The following FIBCD1 variants were observed in gnomAD, a reference collection of about 807,000 sequenced individuals.
FIBCD1 encodes fibrinogen C domain containing 1.
FIBCD1 carries 47 observed loss-of-function variants against 45.1 expected under a neutral mutation model. The ratio of observed to expected loss-of-function variants is 1.04; its 90% CI spans 0.82 to 1.33. FIBCD1 has a LOEUF of 1.33. Among genes scored for constraint, FIBCD1 ranks in the 40% most tolerant of loss-of-function variants. The pLI, the probability that FIBCD1 is intolerant of heterozygous loss-of-function variation, is 0.00. For synonymous variants in FIBCD1, 313 were observed against 308.1 expected (o/e 1.02, Z -0.17); for missense variants, 653 against 682.2 (o/e 0.96, Z 0.48).
chr9:130,936,024 T>C (rs1832514495), intron 1 of FIBCD1, among the ~76,000 whole-genome samples: 1 of 152,200 alleles, frequency 6.6e-6, no homozygotes, highest in Non-Finnish European at 1.5e-5. Flanking sequence ...ACAGCCAGCC[T>C]GTGGAAGGGA....
At chr9:130,906,371 C>G (rs940066839) in intron 5 of FIBCD1, among the ~76,000 whole-genome samples, 1 of 152,330 alleles carries the variant, frequency 6.6e-6, no homozygotes, top group South Asian at 2.1e-4. Flanking sequence ...TGCCTCTCCC[C>G]GGCTCCGCAC....
chr9:130,908,522 G>T (rs1450952114), intron 5 of FIBCD1, among the ~76,000 whole-genome samples: 2 of 152,206 alleles, frequency 1.3e-5, no homozygotes, highest in African/African-American at 4.8e-5. Flanking sequence ...CAGGTTCGGG[G>T]ATGAGGCGAG....
rs1832281472 is a variant in FIBCD1 at position 130,922,640 on chromosome 9, C to T, written c.849+1104G>A. 6.6e-6 allele frequency among the ~76,000 whole-genome samples: 1 copy of T among 152,062 alleles called. No homozygotes were observed. Among genetic ancestry groups the T allele is most frequent in the African/African-American group, 2.4e-5 (1 of 41,380 alleles). On this transcript the variant is annotated intron_variant, in intron 4 of 6. Transcript: ENST00000372338. This position sits in a 1 kb window ranked among gnomAD's most constrained non-coding sequence, Gnocchi z 4.5. Reference sequence around the variant, plus strand: ...GAAACACCTCCTCCCCGTCCCTCTCCCCACTGCCCAAGGATGCACACCGCC... The same window carrying T: ...GAAACACCTCCTCCCCGTCCCTCTCTCCACTGCCCAAGGATGCACACCGCC...
intron 4 of FIBCD1, among the ~76,000 whole-genome samples, chr9:130,923,483 T>C (rs972101128): frequency 6.6e-6 from 1 of 152,080 alleles, no homozygotes; most frequent in Admixed American, 6.6e-5. Flanking sequence ...GAGCCACAGC[T>C]GGGGATCTCA....
intron 4 of FIBCD1, among the ~76,000 whole-genome samples, chr9:130,920,429 T>A (rs186244863): frequency 1.5e-3 from 230 of 152,250 alleles, no homozygotes; most frequent in African/African-American, 5.4e-3. Flanking sequence ...AGCGGCTCTA[T>A]ATGGTACCCA....
At chr9:130,935,470 G>A (rs931741683) in intron 1 of FIBCD1, among the ~76,000 whole-genome samples, 1 of 152,228 alleles carries the variant, frequency 6.6e-6, no homozygotes, top group African/African-American at 2.4e-5. Context: ...CATTAACAAA[G>A]TCCAAATCGG....
intron 5 of FIBCD1, among the ~76,000 whole-genome samples, chr9:130,909,232 C>T (rs1339363451): frequency 6.6e-6 from 1 of 152,102 alleles, no homozygotes; most frequent in South Asian, 2.1e-4. Flanking sequence ...CCCTTCTTAC[C>T]CTCTCCCTCC....
At chr9:130,905,767 T>C (rs1023170041) in intron 5 of FIBCD1, among the ~76,000 whole-genome samples, 13 of 152,190 alleles carry the variant, frequency 8.5e-5, no homozygotes, top group African/African-American at 3.1e-4. Context: ...AGGATCTGTG[T>C]TCGCATTTTC....
At chr9:130,908,558 C>A (rs1831977182) in intron 5 of FIBCD1, among the ~76,000 whole-genome samples, 1 of 152,182 alleles carries the variant, frequency 6.6e-6, no homozygotes, top group Non-Finnish European at 1.5e-5. Flanking sequence ...GTGTGTAGAC[C>A]CTGCTGGGGC....
upstream of FIBCD1, among the ~76,000 whole-genome samples, chr9:130,940,457 C>T (rs1379083810): frequency 1.3e-5 from 2 of 152,272 alleles, no homozygotes; most frequent in East Asian, 1.9e-4. Context: ...CAATTCTGGC[C>T]TCTGGCCCTT....
At chr9:130,918,692 G>A (rs1330788881) in intron 4 of FIBCD1, among the ~76,000 whole-genome samples, 1 of 152,180 alleles carries the variant, frequency 6.6e-6, no homozygotes, top group African/African-American at 2.4e-5. Flanking sequence ...GCATTCCCAG[G>A]AGTCTGGCTT....
chr9:130,926,581 A>T lies in FIBCD1; in HGVS notation c.553-2185T>A, dbSNP rs1416886486. ...ACGCCTGTAATCCCAGCACTTTGGG[A>T]GGCCAAGTTGGGTGGATCACCTAAG... On this transcript the variant is annotated intron_variant, in intron 2 of 6. Coordinates refer to ENST00000372338, the MANE Select transcript of FIBCD1 (RefSeq NM_032843.5). This position sits in a 1 kb window ranked among gnomAD's most constrained non-coding sequence, Gnocchi z 4.1. Among the ~76,000 whole-genome samples, 1 of 152,206 alleles carries T rather than the reference A, an allele frequency of 6.6e-6. No individual in the cohort carries two copies. The highest frequency in any genetic ancestry group is 2.4e-5 in the African/African-American group (1 of 41,434).
chr9:130,939,652 G>GCCGCGCTCCCGGCCGATCGC (rs1045407209), upstream of FIBCD1, among the ~76,000 whole-genome samples: 25 of 151,584 alleles, frequency 1.6e-4, no homozygotes, highest in Middle Eastern at 3.4e-3. Flanking sequence ...TCCGCGCTCG[G>GCCGCGCTCCCGGCCGATCGC]CCGCGCTCCC....
intron 4 of FIBCD1, among the ~76,000 whole-genome samples, chr9:130,915,337 C>T (rs1832139369): frequency 6.6e-6 from 1 of 152,204 alleles, no homozygotes; most frequent in Admixed American, 6.5e-5. Flanking sequence ...TGCCTCTGCC[C>T]AAGGAAGGAC....
Position 130,905,290 on chromosome 9 carries a change from A to G in FIBCD1, c.1070T>C (p.Val357Ala). 1 of 1,614,048 alleles carries G rather than the reference A, an allele frequency of 6.2e-7. No homozygotes were observed. Among genetic ancestry groups the G allele is most frequent in the African/African-American group, 1.3e-5 (1 of 75,046 alleles). ...YGSFGVGLFS[V>A]DPEEDGYPLT... ...CGGGTACCCGTCTTCCTCAGGGTCC[A>G]CGGAGAACAAGCCCACGCCGAAGCT... The change falls in exon 6 of 7, where the codon GTG becomes GCG. Residue 357 changes from valine to alanine, a missense_variant. Coordinates refer to ENST00000372338, the MANE Select transcript of FIBCD1 (RefSeq NM_032843.5).
intron 5 of FIBCD1, among the ~76,000 whole-genome samples, chr9:130,905,898 G>A (rs554146660): frequency 2.1e-4 from 32 of 152,288 alleles, no homozygotes; most frequent in African/African-American, 6.5e-4. Context: ...TCCTGTCGGC[G>A]TTGAGGACCT....
intron 2 of FIBCD1, among the ~76,000 whole-genome samples, chr9:130,927,249 A>G (rs982221504): frequency 1.3e-5 from 2 of 151,982 alleles, no homozygotes; most frequent in Non-Finnish European, 2.9e-5. Flanking sequence ...TCGAAAAAAA[A>G]AAAAGAAAAA....
chr9:130,917,654 G>T (rs1489808785), intron 4 of FIBCD1, among the ~76,000 whole-genome samples: 1 of 152,218 alleles, frequency 6.6e-6, no homozygotes, highest in Admixed American at 6.5e-5. Context: ...CTTTGCCACT[G>T]TGCCCAGAAC....
intron 1 of FIBCD1, among the ~76,000 whole-genome samples, chr9:130,932,273 C>T (rs751510522): frequency 6.6e-5 from 10 of 152,306 alleles, no homozygotes; most frequent in African/African-American, 2.4e-4. Flanking sequence ...ACTTGGCACC[C>T]GAAGAGGACG....
Sources: allele counts gnomAD v4.1 joint callset (sites outside exome capture counted in the v4.1 genomes callset), GRCh38; gene constraint gnomAD v4.1.1; non-coding constraint Gnocchi (gnomAD v3.1); transcripts MANE v1.5; gene names NCBI Gene and HGNC (gene_info 2026-07-23, HGNC 2026-07-21).